KDF1: variants seen among roughly 807,000 people sequenced by gnomAD.
KDF1 encodes the protein RP11-344H11.3.
In KDF1, 11 loss-of-function variants were observed where a neutral mutation model predicts 31.6. The ratio of observed to expected loss-of-function variants is 0.35; its 90% confidence interval spans 0.22 to 0.58. KDF1 has a LOEUF of 0.58. KDF1 is among the 20% of genes least tolerant of loss of function. The probability of loss-of-function intolerance (pLI) is 0.83; values close to 1 mark genes in which losing one functional copy is unlikely to be tolerated. For missense variants in KDF1, 476 were observed against 549.1 expected, an observed-to-expected ratio of 0.87 and a Z score of 1.33; for synonymous variants, 205 against 214.4, an observed-to-expected ratio of 0.96 and a Z score of 0.38.
chr1:26,959,125 G>A (rs1398979628), intron 1 of KDF1, among the ~76,000 whole-genome samples: 4 of 152,184 alleles, frequency 2.6e-5, no homozygotes, highest in African/African-American at 9.7e-5. Context: ...TAGCAAGAGA[G>A]GGCTGGAGTA....
chr1:26,952,269 G>T lies in KDF1; in HGVS notation c.112C>A (p.Pro38Thr). ...ETYDKPPQPP[P>T]SRRTRRPDPK... ...TCTGGTCTACGGGTGCGGCGGCTTG[G>T]TGGGGGCTGAGGTGGTTTATCATAT... Residue 38 changes from proline (P) to threonine (T), a missense_variant, in exon 2 of 4, where the codon CCA becomes ACA. Pro to Thr is a conservative substitution (Grantham distance 38, BLOSUM62 -1). Around this residue, in one of 2 missense-constraint regions of KDF1, gnomAD observed 330 missense variants for 332.3 expected, o/e 0.99. Coordinates refer to ENST00000320567, the MANE Select transcript of KDF1 (RefSeq NM_152365.3). This position sits in a 1 kb window ranked among gnomAD's most constrained non-coding sequence, Gnocchi z 4.1. 6.3e-7 allele frequency: 1 copy of T among 1,579,576 alleles called. No homozygotes were observed. The highest frequency in any genetic ancestry group is 1.2e-5 in the South Asian group (1 of 86,092).
rs769255645 is a variant in KDF1, at chr1:26,950,058, C to T, written c.*11G>A. On this transcript the variant is annotated 3_prime_UTR_variant, in exon 4 of 4. Coordinates refer to ENST00000320567, the MANE Select transcript of KDF1 (RefSeq NM_152365.3). The surrounding 1 kb of genome is among the most constrained non-coding windows in gnomAD (Gnocchi z 4.0). ...TCCCAGAAAGGGTGTGGCAGCTGGGCCTGGCAGGGGTTAGCAGTACACCTG... is the reference window on the plus strand; with the variant it reads ...TCCCAGAAAGGGTGTGGCAGCTGGGTCTGGCAGGGGTTAGCAGTACACCTG... The T allele has an allele frequency of 1.2e-6, 2 of 1,611,448 alleles. No homozygotes were observed. The highest frequency in any genetic ancestry group is 2.7e-5 in the African/African-American group (2 of 74,860).
In KDF1 at chr1:26,951,416, C is replaced by T. The variant is rs1249155593; in HGVS notation, c.965G>A (p.Arg322Gln). ...RPQTSEGRSTRAAAPTAAAPD... is the reference protein window; with the variant it reads ...RPQTSEGRSTQAAAPTAAAPD... ...GGCAGCAGCGGTTGGGGCAGCAGCC[C>T]GAGTTGAACGACCCTCCGAGGTCTG... Residue 322 changes from arginine to glutamine, a missense_variant, in exon 2 of 4, where the codon CGG (arginine) becomes CAG (glutamine). Arg to Gln is a conservative substitution (Grantham distance 43). Transcript: ENST00000320567. The surrounding 1 kb of genome is among the most constrained non-coding windows in gnomAD (Gnocchi z 5.4). 2.4e-5 allele frequency: 39 copies of T among 1,611,322 alleles called. No individual in the cohort carries two copies. Among genetic ancestry groups the T allele is most frequent in the African/African-American group, 5.3e-5 (4 of 74,878 alleles).
At position 26,950,755 on chromosome 1, in the gene KDF1, C is replaced by A; in HGVS notation, c.1041G>T (p.Glu347Asp). 1 of 1,613,966 alleles carries A rather than the reference C, an allele frequency of 6.2e-7. No homozygotes were observed. The highest frequency in any genetic ancestry group is 8.5e-7 in the Non-Finnish European group (1 of 1,179,854). ...TMVGSGLSQD[E>D]LTVQISQETT... ...TCTCCTGGGAGATCTGCACTGTCAG[C>A]TCTAGGGAGGGAACGTGAGGCAAGC... The change falls in exon 3 of 4, where the codon GAG becomes GAT. Residue 347 changes from glutamate (E) to aspartate (D), a missense_variant and splice_region_variant. Physicochemically the swap from Glu to Asp is conservative, Grantham distance 45. This residue lies in a region of KDF1 where 146 missense variants were observed against 216.8 expected (regional missense o/e 0.67). Coordinates refer to ENST00000320567, the MANE Select transcript of KDF1 (RefSeq NM_152365.3). The surrounding 1 kb of genome is among the most constrained non-coding windows in gnomAD (Gnocchi z 4.0).
intron 1 of KDF1, among the ~76,000 whole-genome samples, chr1:26,959,851 C>T (rs566170543): frequency 1.3e-5 from 2 of 152,300 alleles, no homozygotes; most frequent in Admixed American, 6.5e-5. Flanking sequence ...CACCCTCGGC[C>T]TCCTGCCCCA....
At position 26,952,970 on chromosome 1, in the gene KDF1, C is replaced by T. The variant is rs1374373920; in HGVS notation, c.-32-558G>A. 6.8e-6 allele frequency among the ~76,000 whole-genome samples: 1 copy of T among 147,208 alleles called. No homozygotes were observed. Among genetic ancestry groups the T allele is most frequent in the Non-Finnish European group, 1.5e-5 (1 of 67,244 alleles). On this transcript the variant is annotated intron_variant, in intron 1 of 3. Transcript: ENST00000320567. This position sits in a 1 kb window ranked among gnomAD's most constrained non-coding sequence, Gnocchi z 4.1. ...TTGCACTCCAGCCTGGGCAACAGGG[C>T]GAGACTGTGTCTCAAAAAAAAAAAA...
chr1:26,959,787 C>A (rs753270119), intron 1 of KDF1, among the ~76,000 whole-genome samples: 82 of 152,144 alleles, frequency 5.4e-4, no homozygotes, highest in Non-Finnish European at 7.9e-4. Flanking sequence ...CCTCGGACAC[C>A]CGGCCGGGGA....
chr1:26,950,793 C>A lies in KDF1; in HGVS notation c.1040-37G>T. On this transcript the variant is annotated intron_variant, in intron 2 of 3. Transcript: ENST00000320567. This position sits in a 1 kb window ranked among gnomAD's most constrained non-coding sequence, Gnocchi z 4.0. ...ACGTGAGGCAAGCAGTGGTCATTAG[C>A]ACGTTCTTTCAACCCTATTTCCTAC... is the stretch of plus-strand genomic sequence containing the variant. 1 of 1,577,674 alleles carries A rather than the reference C, an allele frequency of 6.3e-7. No homozygotes were observed. The highest frequency in any genetic ancestry group is 8.7e-7 in the Non-Finnish European group (1 of 1,146,978).
intron 1 of KDF1, among the ~76,000 whole-genome samples, chr1:26,957,550 G>A (rs568666060): frequency 5.3e-5 from 8 of 152,252 alleles, no homozygotes; most frequent in Non-Finnish European, 8.8e-5. Flanking sequence ...TAGAACCAGC[G>A]CCACTGGGTA....
At chr1:26,959,279 C>T (rs2082390315) in intron 1 of KDF1, among the ~76,000 whole-genome samples, 1 of 152,184 alleles carries the variant, frequency 6.6e-6, no homozygotes. Context: ...AGCCATTGAA[C>T]CCTCCTGAAG....
rs754368453 is a variant in KDF1 at position 26,951,408 on chromosome 1, C to G, written c.973G>C (p.Ala325Pro). The change falls in exon 2 of 4, where the codon GCC becomes CCC. Residue 325 changes from alanine (A) to proline (P), a missense_variant. Ala to Pro is a conservative substitution (Grantham distance 27). Coordinates refer to ENST00000320567, the MANE Select transcript of KDF1 (RefSeq NM_152365.3). This position sits in a 1 kb window ranked among gnomAD's most constrained non-coding sequence, Gnocchi z 5.4. ...CTGTCAGGGGCAGCAGCGGTTGGGGCAGCAGCCCGAGTTGAACGACCCTCC... is the reference window on the plus strand; with the variant it reads ...CTGTCAGGGGCAGCAGCGGTTGGGGGAGCAGCCCGAGTTGAACGACCCTCC... Reference protein sequence around the residue: ...TSEGRSTRAAAPTAAAPDSGH... With the variant: ...TSEGRSTRAAPPTAAAPDSGH... 2 of 1,610,400 alleles carry G rather than the reference C, an allele frequency of 1.2e-6. No individual in the cohort carries two copies. The highest frequency in any genetic ancestry group is 1.7e-6 in the Non-Finnish European group (2 of 1,178,118).
rs2082356748 is a variant in KDF1 at position 26,952,385 on chromosome 1, C to T, written c.-5G>A. 2.7e-6 allele frequency: 4 copies of T among 1,500,400 alleles called. No homozygotes were observed. The highest frequency in any genetic ancestry group is 3.5e-6 in the Non-Finnish European group (4 of 1,130,496). The allele number at this position is 1,500,400 out of a possible 1,614,324, so 92.9% of individuals were successfully genotyped here. A position where few individuals can be genotyped will look rare whatever the true frequency, so the allele number is the denominator to read the frequency against. ...GGGGTGTCCAGGGCGGGGCATGGCT[C>T]ATTGCATGGTTTGTAGCAGCCAGGC... On this transcript the variant is annotated 5_prime_UTR_variant, in exon 2 of 4. The change abolishes an upstream ATG in the 5' untranslated region. Transcript: ENST00000320567. The surrounding 1 kb of genome is among the most constrained non-coding windows in gnomAD (Gnocchi z 4.1).
chr1:26,959,368 A>G (rs1171305525), intron 1 of KDF1, among the ~76,000 whole-genome samples: 2 of 151,934 alleles, frequency 1.3e-5, no homozygotes, highest in Non-Finnish European at 2.9e-5. Context: ...GCCCAATCCT[A>G]GGAACCTGGT....
In KDF1 at chr1:26,951,985, A is replaced by T. The variant is rs748346371; in HGVS notation, c.396T>A (p.Asn132Lys). 6.2e-7 allele frequency: 1 copy of T among 1,611,034 alleles called. No homozygotes were observed. The highest frequency in any genetic ancestry group is 1.3e-5 in the African/African-American group (1 of 74,844). ...CACGATCAGGGCTGGGGGGCACTCC[A>T]TTGTGCTCCTTGGCCCAGTTGGCTT... ...TAEANWAKEH[N>K]GVPPSPDRAP... The change falls in exon 2 of 4, where the codon AAT (asparagine) becomes AAA (lysine). Residue 132 changes from asparagine to lysine, a missense_variant. By Grantham distance (94) the Asn-to-Lys change is moderately conservative (BLOSUM62 0). Coordinates refer to ENST00000320567, the MANE Select transcript of KDF1 (RefSeq NM_152365.3). The surrounding 1 kb of genome is among the most constrained non-coding windows in gnomAD (Gnocchi z 5.4).
Position 26,950,256 on chromosome 1 carries a change from A to G in KDF1, c.1115-105T>C. ...CTGAGAAGGAGCAGAGTGGGACTTG[A>G]GCCTGGGTCAGTCTGATCCTGGCTG... On this transcript the variant is annotated intron_variant, in intron 3 of 3. Coordinates refer to ENST00000320567, the MANE Select transcript of KDF1 (RefSeq NM_152365.3). The surrounding 1 kb of genome is among the most constrained non-coding windows in gnomAD (Gnocchi z 4.0). 1.9e-6 allele frequency: 2 copies of G among 1,050,054 alleles called. No homozygotes were observed. Among genetic ancestry groups the G allele is most frequent in the South Asian group, 1.3e-5 (1 of 74,982 alleles). 65.0% of individuals were successfully genotyped at this position (1,050,054 alleles called of 1,614,324 possible). A position where few individuals can be genotyped will look rare whatever the true frequency, so the allele number is the denominator to read the frequency against.
chr1:26,958,751 G>T (rs2082388206), intron 1 of KDF1, among the ~76,000 whole-genome samples: 1 of 152,186 alleles, frequency 6.6e-6, no homozygotes, highest in East Asian at 1.9e-4. Flanking sequence ...CCAGCTCCAT[G>T]GACCAGCGTG....
chr1:26,951,581 A>G lies in KDF1; in HGVS notation c.800T>C (p.Val267Ala), dbSNP rs2082348974. The change falls in exon 2 of 4, where the codon GTG becomes GCG. Residue 267 changes from valine (V) to alanine (A), a missense_variant. This residue lies in a region of KDF1 where 146 missense variants were observed against 216.8 expected (regional missense o/e 0.67). Coordinates refer to ENST00000320567, the MANE Select transcript of KDF1 (RefSeq NM_152365.3). The surrounding 1 kb of genome is among the most constrained non-coding windows in gnomAD (Gnocchi z 5.4). ...DELAKCTSDT[V>A]FLEKTSKISD... ...GATCTTACTGGTCTTCTCCAGGAAC[A>G]CAGTGTCTGATGTGCACTTGGCCAG... 1 of 1,613,058 alleles carries G rather than the reference A, an allele frequency of 6.2e-7. No homozygotes were observed. Among genetic ancestry groups the G allele is most frequent in the Admixed American group, 1.7e-5 (1 of 59,992 alleles).
At chr1:26,958,576 C>T (rs2082387592) in intron 1 of KDF1, among the ~76,000 whole-genome samples, 1 of 152,308 alleles carries the variant, frequency 6.6e-6, no homozygotes, top group African/African-American at 2.4e-5. Context: ...ATTTTCACAA[C>T]CCTCTTTGTA....
At position 26,950,712 on chromosome 1, in the gene KDF1, C is replaced by T. The variant is rs1338685304; in HGVS notation, c.1084G>A (p.Ala362Thr). The stretch of plus-strand genomic sequence containing the variant: ...GCTCCATAAGGCCTCAGCTTCCGGG[C>T]GATGGCATCTGCAGTCGTCTCCTGG... ...ISQETTADAI[A>T]RKLRPYGAPG... Residue 362 changes from alanine (A) to threonine (T), a missense_variant, in exon 3 of 4, where the codon GCC becomes ACC. Coordinates refer to ENST00000320567, the MANE Select transcript of KDF1 (RefSeq NM_152365.3). This position sits in a 1 kb window ranked among gnomAD's most constrained non-coding sequence, Gnocchi z 4.0. 2.5e-6 allele frequency: 4 copies of T among 1,614,100 alleles called. No homozygotes were observed. The highest frequency in any genetic ancestry group is 3.4e-6 in the Non-Finnish European group (4 of 1,180,014).
Sources: gnomAD v4.1 joint callset for allele counts (sites outside exome capture counted in the v4.1 genomes callset) on GRCh38, gnomAD v4.1.1 for gene constraint, gnomAD v4.1.1 regional missense constraint, Gnocchi (gnomAD v3.1) non-coding constraint, MANE v1.5 for transcripts, NCBI Gene and HGNC (gene_info 2026-07-23, HGNC 2026-07-21) for gene names.